The following KCND2 variants were observed in gnomAD, a reference collection of about 807,000 sequenced individuals.
KCND2 encodes the protein potassium voltage-gated channel subfamily D member 2.
A neutral mutation model predicts 54.4 loss-of-function variants in KCND2; 16 were observed. The ratio of observed to expected loss-of-function variants is 0.29; its 90% CI spans 0.20 to 0.45. KCND2 has a LOEUF of 0.45. KCND2 is among the 20% of genes least tolerant of loss of function. KCND2 has a pLI of 1.00. For synonymous variants in KCND2, 317 were observed against 310.7 expected (o/e 1.02, Z -0.21); for missense variants, 486 against 824.2 (o/e 0.59, Z 5.02).
intron 1 of KCND2, among the ~76,000 whole-genome samples, chr7:120,370,722 G>C (rs10266602): frequency 3.3e-5 from 5 of 151,864 alleles, no homozygotes; most frequent in African/African-American, 1.2e-4. Flanking sequence ...AGATAACAGC[G>C]GAAAAGGGAC....
At chr7:120,406,877 G>C (rs1416963102) in intron 1 of KCND2, among the ~76,000 whole-genome samples, 2 of 151,942 alleles carry the variant, frequency 1.3e-5, no homozygotes, top group Non-Finnish European at 2.9e-5. Flanking sequence ...TTAGCTTAGA[G>C]TCAGGATATG....
At chr7:120,441,918 A>T (rs1267686303) in intron 1 of KCND2, among the ~76,000 whole-genome samples, 1 of 152,072 alleles carries the variant, frequency 6.6e-6, no homozygotes, top group Non-Finnish European at 1.5e-5. Flanking sequence ...ATATCCAAGA[A>T]AGTTTTCTCT....
intron 1 of KCND2, among the ~76,000 whole-genome samples, chr7:120,658,878 C>T (rs1791834529): frequency 6.6e-6 from 1 of 152,212 alleles, no homozygotes; most frequent in Non-Finnish European, 1.5e-5. Flanking sequence ...GTGTTAGGCA[C>T]TGTGGGATTG....
chr7:120,613,600 T>G (rs1255910876), intron 1 of KCND2, among the ~76,000 whole-genome samples: 1 of 152,162 alleles, frequency 6.6e-6, no homozygotes, highest in Non-Finnish European at 1.5e-5. Flanking sequence ...TTAGCATTTG[T>G]TTTTTTCCTC....
chr7:120,479,365 T>A (rs1310229737), intron 1 of KCND2, among the ~76,000 whole-genome samples: 1 of 152,022 alleles, frequency 6.6e-6, no homozygotes, highest in East Asian at 1.9e-4. Flanking sequence ...ATTTAGAAGA[T>A]CATTTTCATC....
rs534538912 is a variant in KCND2, at chr7:120,396,816, C to T, written c.1115+121069C>T. Among the ~76,000 whole-genome samples the T allele has an allele frequency of 4.6e-5, 7 of 152,106 alleles. No individual in the cohort carries two copies. In the South Asian group the frequency reaches 1.5e-3, roughly 32 times the overall value. ...CCTTACATACCACAGACATTATGGC[C>T]ATATATTTCCACAGAACAGACACCA... On this transcript the variant is annotated intron_variant, in intron 1 of 5. Coordinates refer to ENST00000331113, the MANE Select transcript of KCND2 (RefSeq NM_012281.3).
intron 1 of KCND2, among the ~76,000 whole-genome samples, chr7:120,433,939 C>T (rs531685764): frequency 2.4e-4 from 36 of 152,124 alleles, no homozygotes; most frequent in African/African-American, 8.4e-4. Flanking sequence ...CACTCACTAC[C>T]GAGGGAATAG....
At chr7:120,563,758 A>G (rs907960522) in intron 1 of KCND2, among the ~76,000 whole-genome samples, 1 of 152,082 alleles carries the variant, frequency 6.6e-6, no homozygotes. Context: ...TCCATGTAAT[A>G]CCCTATCCCC....
chr7:120,345,543 G>A (rs1441456856), intron 1 of KCND2, among the ~76,000 whole-genome samples: 2 of 152,072 alleles, frequency 1.3e-5, no homozygotes, highest in African/African-American at 2.4e-5. Context: ...ACAGCATCCC[G>A]TTTCCTCCTC....
intron 1 of KCND2, among the ~76,000 whole-genome samples, chr7:120,444,328 T>C (rs1423499807): frequency 2.0e-5 from 3 of 152,150 alleles, no homozygotes; most frequent in African/African-American, 7.2e-5. Flanking sequence ...ATAGGATCTT[T>C]AGTATTGTTA....
At chr7:120,438,599 CTT>C (rs537720465) in intron 1 of KCND2, among the ~76,000 whole-genome samples, 1 of 151,998 alleles carries the variant, frequency 6.6e-6, no homozygotes. Flanking sequence ...ACTAGTGGGT[CTT>C]TTTTGTGGCT....
In KCND2 at chr7:120,274,527, T is replaced by C; in HGVS notation, c.-106T>C. On this transcript the variant is annotated 5_prime_UTR_variant, in exon 1 of 6. Coordinates refer to ENST00000331113, the MANE Select transcript of KCND2 (RefSeq NM_012281.3). ...TAAGAGTTACACCTCTGGACCACGT[T>C]TCTCACTAGTACTTTGCTTGACTGG... is the stretch of plus-strand genomic sequence containing the variant. 2 of 1,287,980 alleles carry C rather than the reference T, an allele frequency of 1.6e-6. No individual in the cohort carries two copies. Among genetic ancestry groups the C allele is most frequent in the South Asian group, 2.4e-5 (2 of 83,598 alleles). 79.8% of individuals were successfully genotyped at this position (1,287,980 alleles called of 1,614,324 possible). A position where few individuals can be genotyped will look rare whatever the true frequency, so the allele number is the denominator to read the frequency against.
chr7:120,302,628 A>G (rs1799603560), intron 1 of KCND2, among the ~76,000 whole-genome samples: 1 of 152,210 alleles, frequency 6.6e-6, no homozygotes, highest in Non-Finnish European at 1.5e-5. Context: ...ACGATGTTTT[A>G]TATATGGTTA....
intron 1 of KCND2, among the ~76,000 whole-genome samples, chr7:120,637,529 C>A (rs1207515450): frequency 6.6e-6 from 1 of 152,092 alleles, no homozygotes; most frequent in African/African-American, 2.4e-5. Context: ...GTAATTCTTT[C>A]ATTGACACCA....
At chr7:120,424,228 A>T (rs906907864) in intron 1 of KCND2, among the ~76,000 whole-genome samples, 3 of 152,206 alleles carry the variant, frequency 2.0e-5, no homozygotes, top group African/African-American at 7.2e-5. Flanking sequence ...TCAAGTCTCA[A>T]CACTGCCACT....
chr7:120,715,853 T>C (rs779686419), intron 1 of KCND2, among the ~76,000 whole-genome samples: 1 of 152,140 alleles, frequency 6.6e-6, no homozygotes, highest in Non-Finnish European at 1.5e-5. Flanking sequence ...CTCTACTCTT[T>C]CCTGAAAACC....
At chr7:120,730,938 T>C (rs982149186) in intron 1 of KCND2, among the ~76,000 whole-genome samples, 5 of 152,236 alleles carry the variant, frequency 3.3e-5, no homozygotes, top group African/African-American at 1.2e-4. Context: ...GATTCTAGTA[T>C]GTGAGTTCCT....
intron 1 of KCND2, among the ~76,000 whole-genome samples, chr7:120,504,485 T>C (rs1344742808): frequency 6.6e-6 from 1 of 152,052 alleles, no homozygotes; most frequent in Non-Finnish European, 1.5e-5. Context: ...AAATTTACAA[T>C]GCTTGTCCTT....
chr7:120,285,494 A>T (rs766075078), intron 1 of KCND2, among the ~76,000 whole-genome samples: 1 of 151,994 alleles, frequency 6.6e-6, no homozygotes, highest in African/African-American at 2.4e-5. Context: ...AAAACATCTC[A>T]TAGACATTCA....
Sources: gnomAD v4.1 joint callset for allele counts (sites outside exome capture counted in the v4.1 genomes callset) on GRCh38, gnomAD v4.1.1 for gene constraint, MANE v1.5 for transcripts, NCBI Gene and HGNC (gene_info 2026-07-23, HGNC 2026-07-21) for gene names.